Variants in DISP1 observed in about 807,000 individuals in gnomAD.
DISP1 encodes the protein protein dispatched homolog 1.
A neutral mutation model predicts 37.3 loss-of-function variants in DISP1; 30 were observed. The observed-to-expected ratio is 0.80, with a 90% confidence interval of 0.60 to 1.09. The LOEUF (loss-of-function observed/expected upper bound fraction) is 1.09. DISP1 is among the 50% of genes least tolerant of loss of function. The pLI, the probability that DISP1 is intolerant of heterozygous loss-of-function variation, is 0.00. For missense variants in DISP1, 1,598 were observed against 1,879.5 expected (o/e 0.85, Z 2.77); for synonymous variants, 634 against 690.2 (o/e 0.92, Z 1.28).
chr1:222,880,075 T>G lies in DISP1; in HGVS notation c.-158-48355T>G, dbSNP rs78174241. On this transcript the variant is annotated intron_variant, in intron 1 of 8. Coordinates refer to ENST00000675850, the MANE Select transcript of DISP1 (RefSeq NM_001377229.1). ...AAATACCTTTTTATAATAACAAAAA[T>G]CAGAAGCAATCAAAATGTTTAATCG... is the stretch of plus-strand genomic sequence containing the variant. 3.7e-3 allele frequency among the ~76,000 whole-genome samples: 556 copies of G among 152,016 alleles called. 11 individuals carry two copies. The East Asian group carries it at 0.053, about 15-fold the overall frequency.
rs1291981553 is a variant in DISP1 at position 223,004,517 on chromosome 1, C to T, written c.3120C>T (p.Val1040=). 6.2e-7 allele frequency: 1 copy of T among 1,614,246 alleles called. No individual in the cohort carries two copies. Among genetic ancestry groups the T allele is most frequent in the Non-Finnish European group, 8.5e-7 (1 of 1,180,036 alleles). ...LGWELNVLES[V]TISVAVGLSV... is the part of the protein sequence containing the mutation. ...GGGAGCTCAATGTGTTGGAATCTGT[C>T]ACCATTTCGGTTGCCGTCGGCTTGT... Residue 1040 remains valine, a synonymous_variant, in exon 9 of 9, where the codon GTC becomes GTT. Transcript: ENST00000675850. This position sits in a 1 kb window ranked among gnomAD's most constrained non-coding sequence, Gnocchi z 4.9.
chr1:223,002,323 A>G (rs1679513677), intron 8 of DISP1, 62 bp from the exon 9 acceptor site: 1 of 1,461,396 alleles, frequency 6.8e-7, no homozygotes, highest in Non-Finnish European at 9.6e-7. Context: ...AGTCCTTTCC[A>G]GTTGTGAACG....
chr1:222,864,272 T>G (rs1279076782), intron 1 of DISP1, among the ~76,000 whole-genome samples: 1 of 152,202 alleles, frequency 6.6e-6, no homozygotes, highest in Non-Finnish European at 1.5e-5. Flanking sequence ...TGGCATTAAG[T>G]AACTTATATT....
At chr1:222,949,092 G>A (rs967826176) in intron 3 of DISP1, among the ~76,000 whole-genome samples, 4 of 151,708 alleles carry the variant, frequency 2.6e-5, no homozygotes, top group African/African-American at 9.7e-5. Context: ...CCTTTTTAGT[G>A]TTCCGATTAA....
intron 1 of DISP1, among the ~76,000 whole-genome samples, chr1:222,887,794 G>A (rs563514355): frequency 1.1e-4 from 12 of 111,504 alleles, no homozygotes; most frequent in African/African-American, 2.6e-4. Context: ...CACCGCGCCC[G>A]GCCTGTTTTT....
At chr1:222,993,882 G>T (rs1678873840) in intron 7 of DISP1, among the ~76,000 whole-genome samples, 1 of 151,996 alleles carries the variant, frequency 6.6e-6, no homozygotes, top group Non-Finnish European at 1.5e-5. Context: ...GGCTGATTTT[G>T]CTCTCCAAAA....
chr1:222,873,172 C>T (rs2125349518), intron 1 of DISP1, among the ~76,000 whole-genome samples: 1 of 152,242 alleles, frequency 6.6e-6, no homozygotes, highest in East Asian at 1.9e-4. Flanking sequence ...TTTACATTTG[C>T]TGAGGAGTGC....
intron 1 of DISP1, among the ~76,000 whole-genome samples, chr1:222,817,849 C>T (rs1661640733): frequency 6.6e-6 from 1 of 152,202 alleles, no homozygotes. Flanking sequence ...GGCACATTTT[C>T]CAGCCTATAG....
chr1:222,913,646 C>T (rs780300578), intron 1 of DISP1, among the ~76,000 whole-genome samples: 5 of 151,966 alleles, frequency 3.3e-5, no homozygotes, highest in Non-Finnish European at 5.9e-5. Context: ...GTGTCCCACG[C>T]TTGTAATACC....
intron 2 of DISP1, among the ~76,000 whole-genome samples, chr1:222,937,191 G>T (rs1350544593): frequency 1.3e-5 from 2 of 149,956 alleles, no homozygotes; most frequent in East Asian, 2.0e-4. Context: ...CTGGGTTCAC[G>T]CCATTCTCCT....
chr1:222,951,676 T>G (rs1042562922), intron 3 of DISP1, among the ~76,000 whole-genome samples: 6 of 152,206 alleles, frequency 3.9e-5, no homozygotes, highest in Non-Finnish European at 8.8e-5. Flanking sequence ...AATTCAGAGT[T>G]AGTTATTCAC....
intron 1 of DISP1, among the ~76,000 whole-genome samples, chr1:222,901,615 CCT>C (rs1267712212): frequency 1.3e-5 from 2 of 152,128 alleles, no homozygotes; most frequent in Admixed American, 1.3e-4. Context: ...GCAACCTCTA[CCT>C]CTCGGATTCA....
At chr1:222,849,867 G>A (rs1668126161) in intron 1 of DISP1, among the ~76,000 whole-genome samples, 1 of 152,016 alleles carries the variant, frequency 6.6e-6, no homozygotes, top group Admixed American at 6.6e-5. Flanking sequence ...ATTTATTCTA[G>A]TGTCACCTTC....
Position 222,994,989 on chromosome 1 carries a change from A to G in DISP1, c.987+7A>G, listed in dbSNP as rs1193748857. 1 of 1,603,204 alleles carries G rather than the reference A, an allele frequency of 6.2e-7. No homozygotes were observed. The highest frequency in any genetic ancestry group is 1.3e-5 in the African/African-American group (1 of 74,682). ...CAATGTAGATAATTCCAGGGTATGT[A>G]AGATAAAAACTAAAATCTCCTTAGC... On this transcript the variant is annotated splice_region_variant and intron_variant, in intron 8 of 8. Transcript: ENST00000675850.
At chr1:222,824,818 C>G (rs888137332) in intron 1 of DISP1, among the ~76,000 whole-genome samples, 3 of 152,084 alleles carry the variant, frequency 2.0e-5, no homozygotes, top group African/African-American at 7.2e-5. Flanking sequence ...CAGCATGCTG[C>G]AGGGCAGGGC....
At chr1:222,961,571 G>A (rs565179576) in intron 3 of DISP1, among the ~76,000 whole-genome samples, 11 of 152,230 alleles carry the variant, frequency 7.2e-5, no homozygotes, top group South Asian at 2.1e-4. Context: ...ACAAGGATGC[G>A]CTCTCTCGCC....
chr1:222,942,242 C>T (rs893214175), intron 2 of DISP1, among the ~76,000 whole-genome samples: 4 of 152,076 alleles, frequency 2.6e-5, no homozygotes, highest in Non-Finnish European at 5.9e-5. Context: ...TCTTAGCTTT[C>T]CTGACTGGTT....
chr1:222,989,437 C>T (rs1207718011), intron 4 of DISP1: 1 of 985,274 alleles, frequency 1.0e-6, no homozygotes, highest in East Asian at 1.1e-4. Context: ...GGGTACTCAG[C>T]TCATATCAAG....
chr1:222,983,103 CA>C lies in DISP1; in HGVS notation c.538del (p.Ser180ValfsTer5). 5 of 1,606,980 alleles carry C rather than the reference CA, an allele frequency of 3.1e-6. No individual in the cohort carries two copies. The highest frequency in any genetic ancestry group is 2.2e-5 in the South Asian group (2 of 90,444). On this transcript the variant is annotated frameshift_variant, in exon 4 of 9. Transcript: ENST00000675850. LOFTEE classifies it high-confidence loss of function. ...NIRPSRPFKLPKSYAALIADW... is the reference protein window; with the variant it reads ...NIRPSRPFKLXKSYAALIADW... ...AGACCATCCAGACCTTTCAAGTTGC[CA>C]AAAAGGTAAAGTAATCTGGGTCATC...
Sources: allele counts gnomAD v4.1 joint callset (sites outside exome capture counted in the v4.1 genomes callset), GRCh38; gene constraint gnomAD v4.1.1; non-coding constraint Gnocchi (gnomAD v3.1); transcripts MANE v1.5; gene names NCBI Gene and HGNC (gene_info 2026-07-23, HGNC 2026-07-21).